Variants in PIP5K1C observed in about 807,000 individuals in gnomAD.
The protein encoded by PIP5K1C is phosphatidylinositol-4-phosphate 5-kinase type 1 gamma, also known as phosphatidylinositol 4-phosphate 5-kinase type-1 gamma.
A neutral mutation model predicts 80.1 loss-of-function variants in PIP5K1C; 45 were observed. The observed-to-expected ratio is 0.56, with a 90% CI of 0.44 to 0.72. The LOEUF is 0.72. Ranked by LOEUF, PIP5K1C falls within the 30% of genes least tolerant of loss-of-function variation. The pLI is 0.00. For synonymous variants in PIP5K1C, 498 were observed against 420.1 expected, an observed-to-expected ratio of 1.19 and a Z score of -2.27; for missense variants, 753 against 954.6, an observed-to-expected ratio of 0.79 and a Z score of 2.78.
intron 5 of PIP5K1C, among the ~76,000 whole-genome samples, chr19:3,660,332 A>C (rs901564337): frequency 1.3e-5 from 2 of 151,770 alleles, no homozygotes; most frequent in African/African-American, 4.8e-5. Flanking sequence ...GTGAGCCGAG[A>C]TCGCACCACT....
Position 3,678,694 on chromosome 19 carries a change from A to G in PIP5K1C, c.95-11341T>C, listed in dbSNP as rs551465427. Among the ~76,000 whole-genome samples, 11 of 57,894 alleles carry G rather than the reference A, an allele frequency of 1.9e-4. No individual in the cohort carries two copies. In the South Asian group the frequency reaches 3.0e-3, roughly 16 times the overall value. The allele number at this position is 57,894 out of a possible 152,430, so 38.0% of individuals were successfully genotyped here. A position where few individuals can be genotyped will look rare whatever the true frequency, so the allele number is the denominator to read the frequency against. ...GGGATGGCGAGATGGAGGGATGGCG[A>G]GATGGAGGGCGGGAGGGATGGAGGG... On this transcript the variant is annotated intron_variant, in intron 1 of 17. Transcript: ENST00000335312.
intron 1 of PIP5K1C, among the ~76,000 whole-genome samples, chr19:3,679,660 G>T (rs1262684856): frequency 6.6e-6 from 1 of 152,202 alleles, no homozygotes; most frequent in East Asian, 1.9e-4. Flanking sequence ...TGTGGAGGGG[G>T]AGCACTGGAG....
In PIP5K1C at chr19:3,639,009, C is replaced by T. The variant is rs572261461; in HGVS notation, c.1795G>A (p.Ala599Thr). 3.1e-6 allele frequency: 5 copies of T among 1,610,908 alleles called. No homozygotes were observed. The African/African-American group carries it at 6.7e-5, about 21-fold the overall frequency. ...GCAGCAGAGGCACCGGCCGGGGAAG[C>T]CTCCACCCTGGGGACAGGAGTAGAC... ...VPKEEDAGVE[A>T]SPAGASAAVE... Residue 599 changes from alanine (A) to threonine (T), a missense_variant, in exon 16 of 18, where the codon GCT becomes ACT. Coordinates refer to ENST00000335312, the MANE Select transcript of PIP5K1C (RefSeq NM_012398.3).
intron 11 of PIP5K1C, 38 bp downstream of exon 11, chr19:3,645,936 C>T: frequency 6.5e-7 from 1 of 1,543,888 alleles, no homozygotes; most frequent in Non-Finnish European, 9.0e-7. Context: ...GGGCCTTCCC[C>T]AGGGTCCCTC....
intron 3 of PIP5K1C, among the ~76,000 whole-genome samples, chr19:3,663,323 G>A (rs921118455): frequency 5.3e-5 from 8 of 152,208 alleles, no homozygotes; most frequent in African/African-American, 1.7e-4. Context: ...AGGGAGGGAG[G>A]TCGGGAGTTG....
intron 3 of PIP5K1C, among the ~76,000 whole-genome samples, chr19:3,663,990 G>A (rs528416819): frequency 2.9e-4 from 44 of 152,308 alleles, no homozygotes; most frequent in African/African-American, 9.9e-4. Context: ...ACGCAGCAAA[G>A]GACAAGTGCA....
intron 15 of PIP5K1C, among the ~76,000 whole-genome samples, chr19:3,641,040 G>A (rs778502291): frequency 6.6e-5 from 10 of 151,902 alleles, no homozygotes; most frequent in Non-Finnish European, 1.2e-4. Context: ...GAGAAACCCT[G>A]TCTTTACTGA....
intron 1 of PIP5K1C, among the ~76,000 whole-genome samples, chr19:3,682,905 G>T (rs1463451258): frequency 6.6e-6 from 1 of 151,752 alleles, no homozygotes; most frequent in African/African-American, 2.4e-5. Context: ...AACGTTTGCT[G>T]GACAGAGGCC....
intron 1 of PIP5K1C, among the ~76,000 whole-genome samples, chr19:3,677,986 G>A (rs535042474): frequency 3.0e-5 from 4 of 132,450 alleles, no homozygotes; most frequent in South Asian, 2.6e-4. Flanking sequence ...ATAGAGGGAA[G>A]GAGGATGGAG....
In PIP5K1C at chr19:3,648,610, G is replaced by A. The variant is rs1354783344; in HGVS notation, c.1211+15C>T. The A allele has an allele frequency of 6.2e-7, 1 of 1,610,570 alleles. No homozygotes were observed. The highest frequency in any genetic ancestry group is 8.5e-7 in the Non-Finnish European group (1 of 1,178,044). On this transcript the variant is annotated intron_variant, in intron 9 of 17. Coordinates refer to ENST00000335312, the MANE Select transcript of PIP5K1C (RefSeq NM_012398.3). This position sits in a 1 kb window ranked among gnomAD's most constrained non-coding sequence, Gnocchi z 4.3. ...CGGGGCGTCCACCTGTAGGACTGCAGACCCGGGCACCCACCTGTAGGACTG... is the reference window on the plus strand; with the variant it reads ...CGGGGCGTCCACCTGTAGGACTGCAAACCCGGGCACCCACCTGTAGGACTG...
At chr19:3,650,243 C>T (rs2034387030) in intron 8 of PIP5K1C, among the ~76,000 whole-genome samples, 3 of 152,374 alleles carry the variant, frequency 2.0e-5, no homozygotes, top group South Asian at 2.1e-4. Context: ...TCCACACCTT[C>T]GTGGCTGCAC....
At chr19:3,686,379 C>T (rs1364941037) in intron 1 of PIP5K1C, among the ~76,000 whole-genome samples, 2 of 151,404 alleles carry the variant, frequency 1.3e-5, no homozygotes, top group African/African-American at 4.9e-5. Flanking sequence ...GAGATCACGC[C>T]ACTGCACTCC....
In PIP5K1C at chr19:3,652,007, C is replaced by T; in HGVS notation, c.946G>A (p.Asp316Asn). The T allele has an allele frequency of 6.2e-7, 1 of 1,613,178 alleles. No homozygotes were observed. The highest frequency in any genetic ancestry group is 8.5e-7 in the Non-Finnish European group (1 of 1,179,982). ...TGCACGCCCAGCAGCAGGCTGTAGT[C>T]CATGATCTTGAAACTTTCCAGGACC... ...CLVLESFKIM[D>N]YSLLLGVHNI... Residue 316 changes from aspartate to asparagine, a missense_variant, in exon 8 of 18, where the codon GAC (aspartate) becomes AAC (asparagine). Asp to Asn is a conservative substitution (Grantham distance 23). Transcript: ENST00000335312.
At chr19:3,656,081 G>T (rs1443293560) in intron 6 of PIP5K1C, among the ~76,000 whole-genome samples, 2 of 152,216 alleles carry the variant, frequency 1.3e-5, no homozygotes, top group Non-Finnish European at 2.9e-5. Context: ...CTGCCCGCAG[G>T]CTGCTGGTTC....
At chr19:3,677,950 G>A (rs1312766836) in intron 1 of PIP5K1C, among the ~76,000 whole-genome samples, 1 of 130,704 alleles carries the variant, frequency 7.7e-6, no homozygotes, top group Non-Finnish European at 1.6e-5. Context: ...GATGGAGGGA[G>A]GGATGGATGG....
intron 1 of PIP5K1C, among the ~76,000 whole-genome samples, chr19:3,677,050 T>G (rs994854588): frequency 6.6e-6 from 1 of 151,928 alleles, no homozygotes; most frequent in Non-Finnish European, 1.5e-5. Context: ...TGCAGTGAGC[T>G]ATGACTGCAC....
Position 3,688,876 on chromosome 19 carries a change from C to T in PIP5K1C, c.94+11421G>A, listed in dbSNP as rs1366606851. 2.7e-5 allele frequency among the ~76,000 whole-genome samples: 4 copies of T among 150,018 alleles called. No homozygotes were observed. The highest frequency in any genetic ancestry group is 4.4e-5 in the Non-Finnish European group (3 of 67,652). ...CCCCACACAGCCGAATACATGCCCC[C>T]GGTCCCCCTTCCAGCCTTGTCCCCA... is the stretch of plus-strand genomic sequence containing the variant. On this transcript the variant is annotated intron_variant, in intron 1 of 17. Coordinates refer to ENST00000335312, the MANE Select transcript of PIP5K1C (RefSeq NM_012398.3). The surrounding 1 kb of genome is among the most constrained non-coding windows in gnomAD (Gnocchi z 5.3).
chr19:3,636,879 AATG>A, intron 16 of PIP5K1C: 1 of 995,160 alleles, frequency 1.0e-6, no homozygotes, highest in African/African-American at 1.7e-5. Flanking sequence ...TATTGGTCAT[AATG>A]ACAACAGCAG....
chr19:3,664,809 G>A lies in PIP5K1C; in HGVS notation c.219+13C>T, dbSNP rs780060303. On this transcript the variant is annotated intron_variant, in intron 3 of 17. Transcript: ENST00000335312. ...TCCCGCTCCCTCCAGCCAGCTAAGG[G>A]GAGCCGAGGAACCTTCTTGTAGGTG... The A allele has an allele frequency of 6.2e-7, 1 of 1,607,704 alleles. No homozygotes were observed. Among genetic ancestry groups the A allele is most frequent in the African/African-American group, 1.3e-5 (1 of 74,958 alleles).
Sources: gnomAD v4.1 joint callset for allele counts (sites outside exome capture counted in the v4.1 genomes callset) on GRCh38, gnomAD v4.1.1 for gene constraint, Gnocchi (gnomAD v3.1) non-coding constraint, MANE v1.5 for transcripts, NCBI Gene and HGNC (gene_info 2026-07-23, HGNC 2026-07-21) for gene names.